Variants in VPS35L observed in about 807,000 individuals in gnomAD.
The protein encoded by VPS35L is VPS35 endosomal protein-sorting factor-like.
A neutral mutation model predicts 133.0 loss-of-function variants in VPS35L; 83 were observed. The ratio of observed to expected loss-of-function variants is 0.62; its 90% CI spans 0.52 to 0.75. The LOEUF (loss-of-function observed/expected upper bound fraction) is 0.75, where lower values mean the gene tolerates loss of function less well. Ranked by LOEUF, VPS35L falls within the 30% of genes least tolerant of loss-of-function variation. The pLI is 0.00. For synonymous variants in VPS35L, 423 were observed against 449.9 expected, an observed-to-expected ratio of 0.94 and a Z score of 0.76; for missense variants, 1,083 against 1,206.8, an observed-to-expected ratio of 0.90 and a Z score of 1.52.
chr16:19,564,732 A>C (rs1002155070), intron 1 of VPS35L, 119 bp from the exon 2 acceptor site: 3 of 696,876 alleles, frequency 4.3e-6, no homozygotes, highest in Non-Finnish European at 2.4e-6. Flanking sequence ...TTTCTTTTTA[A>C]CTTTGGTGGG....
intron 14 of VPS35L, among the ~76,000 whole-genome samples, chr16:19,622,296 C>T (rs1973111196): frequency 6.6e-6 from 1 of 151,968 alleles, no homozygotes; most frequent in Admixed American, 6.6e-5. Context: ...AGCCACGCCA[C>T]CACGCCCGGC....
Position 19,699,039 on chromosome 16 carries a change from C to T in VPS35L, c.2647-463C>T, listed in dbSNP as rs780310005. Among the ~76,000 whole-genome samples, 6 of 152,048 alleles carry T rather than the reference C, an allele frequency of 3.9e-5. No homozygotes were observed. The highest frequency in any genetic ancestry group is 7.4e-5 in the Non-Finnish European group (5 of 68,006). On this transcript the variant is annotated intron_variant, in intron 29 of 30. Coordinates refer to ENST00000417362, the MANE Select transcript of VPS35L (RefSeq NM_020314.7). This position sits in a 1 kb window ranked among gnomAD's most constrained non-coding sequence, Gnocchi z 4.2. Reference sequence around the variant, plus strand: ...GCACCAAGGATTGGGGAGCTCAGTTCGGGAGATGTGTTTTGGTCTTTATTA... The same window carrying T: ...GCACCAAGGATTGGGGAGCTCAGTTTGGGAGATGTGTTTTGGTCTTTATTA...
intron 11 of VPS35L, 109 bp downstream of exon 11, chr16:19,609,130 T>C: frequency 1.1e-6 from 1 of 930,150 alleles, no homozygotes; most frequent in Non-Finnish European, 1.7e-6. Context: ...GAGTACTTAA[T>C]GTGTGTTAAG....
intron 26 of VPS35L, among the ~76,000 whole-genome samples, chr16:19,663,669 CTTTTTTTTTTTTTTTTT>C (rs59826351): frequency 3.1e-5 from 2 of 63,914 alleles, no homozygotes; most frequent in South Asian, 6.1e-4. Flanking sequence ...GCAGTAATTT[CTTTTTTTTTTTTTTTTT>C]TTTTTTTTTT....
At chr16:19,562,731 C>T (rs1009355284) in intron 1 of VPS35L, among the ~76,000 whole-genome samples, 3 of 152,088 alleles carry the variant, frequency 2.0e-5, no homozygotes, top group African/African-American at 7.2e-5. Context: ...GCCTTCCCCC[C>T]ACTCCTGTGT....
At chr16:19,578,665 A>G in intron 5 of VPS35L, 1 of 322,190 alleles carries the variant, frequency 3.1e-6, no homozygotes, top group Non-Finnish European at 6.0e-6. Context: ...GCAGGAGAGC[A>G]CAATTCTACG....
chr16:19,607,606 G>T (rs1972573489), intron 9 of VPS35L, among the ~76,000 whole-genome samples: 1 of 152,196 alleles, frequency 6.6e-6, no homozygotes, highest in Admixed American at 6.5e-5. Context: ...AATTCTGGCT[G>T]GTTTCTCACC....
Position 19,595,670 on chromosome 16 carries a change from G to A in VPS35L, c.724+3796G>A, listed in dbSNP as rs111386439. Among the ~76,000 whole-genome samples, 131 of 152,270 alleles carry A rather than the reference G, an allele frequency of 8.6e-4. 1 individual carries two copies. Among genetic ancestry groups the A allele is most frequent in the African/African-American group, 3.0e-3 (126 of 41,564 alleles). The stretch of plus-strand genomic sequence containing the variant: ...GCTCACTCACCTTGCAAGAACTCTG[G>A]GCAGCCACTCTGCCAGCTCCTGCCA... On this transcript the variant is annotated intron_variant, in intron 8 of 30. Transcript: ENST00000417362.
At chr16:19,679,348 G>A (rs1975178020) in intron 27 of VPS35L, among the ~76,000 whole-genome samples, 2 of 150,568 alleles carry the variant, frequency 1.3e-5, no homozygotes. Context: ...CCAGGCTGGA[G>A]TGCAGTGGTG....
chr16:19,559,817 T>C (rs1373034504), intron 1 of VPS35L, among the ~76,000 whole-genome samples: 1 of 152,050 alleles, frequency 6.6e-6, no homozygotes, highest in African/African-American at 2.4e-5. Context: ...CTCCCGAGTA[T>C]CTGGGATTAC....
At chr16:19,624,835 C>G (rs1005229949) in intron 14 of VPS35L, among the ~76,000 whole-genome samples, 1 of 152,054 alleles carries the variant, frequency 6.6e-6, no homozygotes, top group African/African-American at 2.4e-5. Flanking sequence ...GGATAATGTT[C>G]CATGGACCTC....
intron 29 of VPS35L, among the ~76,000 whole-genome samples, chr16:19,698,612 C>T (rs1173723939): frequency 1.3e-5 from 2 of 152,104 alleles, no homozygotes; most frequent in Non-Finnish European, 2.9e-5. Context: ...TTAAATCACG[C>T]GAGTTGTATA....
At chr16:19,602,851 G>A (rs924107069) in intron 9 of VPS35L, among the ~76,000 whole-genome samples, 2 of 151,630 alleles carry the variant, frequency 1.3e-5, no homozygotes, top group African/African-American at 4.8e-5. Context: ...TGATTCATCC[G>A]CCTCGGCCTC....
chr16:19,594,910 C>T (rs60945290), intron 8 of VPS35L, among the ~76,000 whole-genome samples: 3,763 of 151,764 alleles, frequency 0.025, 161 homozygotes, highest in African/African-American at 0.085. Context: ...TGCTTGAAGG[C>T]GGTGAGAGGG....
At chr16:19,619,880 C>T (rs1973021202) in intron 14 of VPS35L, among the ~76,000 whole-genome samples, 1 of 152,134 alleles carries the variant, frequency 6.6e-6, no homozygotes. Context: ...TGCCTAAAAG[C>T]TCTTTGATAA....
intron 25 of VPS35L, among the ~76,000 whole-genome samples, chr16:19,651,748 A>G (rs757544021): frequency 3.9e-5 from 6 of 152,048 alleles, no homozygotes; most frequent in Non-Finnish European, 7.4e-5. Context: ...ACTTCCCGTG[A>G]TGGTGGGTGA....
chr16:19,623,519 G>A (rs7195288), intron 14 of VPS35L, among the ~76,000 whole-genome samples: 46,432 of 151,774 alleles, frequency 0.31, 7,233 homozygotes, highest in Middle Eastern at 0.37. Flanking sequence ...AATTCAGTCC[G>A]TGACAGAAGC....
At chr16:19,675,739 A>G (rs1010400261) in intron 27 of VPS35L, among the ~76,000 whole-genome samples, 3 of 151,652 alleles carry the variant, frequency 2.0e-5, no homozygotes, top group Non-Finnish European at 4.4e-5. Flanking sequence ...TAGTAGAGAC[A>G]ATGTTTCACC....
At chr16:19,578,897 A>G in intron 5 of VPS35L, 155 bp from the exon 6 acceptor site, 4 of 703,658 alleles carry the variant, frequency 5.7e-6, no homozygotes, top group Non-Finnish European at 1.0e-5. Flanking sequence ...CTGGTTACAT[A>G]AGGAAGTTGC....
Sources: allele counts gnomAD v4.1 joint callset (sites outside exome capture counted in the v4.1 genomes callset), GRCh38; gene constraint gnomAD v4.1.1; non-coding constraint Gnocchi (gnomAD v3.1); transcripts MANE v1.5; gene names NCBI Gene and HGNC (gene_info 2026-07-23, HGNC 2026-07-21).